ERBB4: variants seen among roughly 807,000 people sequenced by gnomAD.
ERBB4 encodes receptor tyrosine-protein kinase erbB-4.
In ERBB4, 42 loss-of-function variants were observed where a neutral mutation model predicts 158.0. That is an observed-to-expected ratio of 0.27 (90% confidence interval 0.21 to 0.34). ERBB4 has a LOEUF of 0.34. Among genes scored for constraint, ERBB4 ranks in the 10% least tolerant of loss-of-function variants. ERBB4 has a pLI of 1.00. For missense variants in ERBB4, 1,333 were observed against 1,624.1 expected, an observed-to-expected ratio of 0.82 and a Z score of 3.08; for synonymous variants, 583 against 558.7, an observed-to-expected ratio of 1.04 and a Z score of -0.61.
intron 3 of ERBB4, among the ~76,000 whole-genome samples, chr2:211,876,437 T>C (rs1019133288): frequency 6.6e-6 from 1 of 152,190 alleles, no homozygotes; most frequent in African/African-American, 2.4e-5. Flanking sequence ...CCTTGTTTAT[T>C]TCAAAATTTT....
chr2:212,481,927 C>T (rs995770156), intron 1 of ERBB4, among the ~76,000 whole-genome samples: 9 of 152,186 alleles, frequency 5.9e-5, no homozygotes, highest in Admixed American at 4.6e-4. Context: ...AGAGTTATTG[C>T]TTTTAAGTCT....
intron 20 of ERBB4, among the ~76,000 whole-genome samples, chr2:211,518,306 G>A (rs1347775875): frequency 1.3e-5 from 2 of 152,020 alleles, no homozygotes; most frequent in African/African-American, 2.4e-5. Flanking sequence ...TTATTATTCT[G>A]CAAAGGAAGT....
intron 1 of ERBB4, among the ~76,000 whole-genome samples, chr2:212,236,041 T>C (rs1281629908): frequency 1.2e-4 from 19 of 152,220 alleles, no homozygotes; most frequent in Admixed American, 1.2e-3. Flanking sequence ...CCTTGTCTTT[T>C]GCCGGTTTTC....
chr2:211,627,088 T>C (rs748217349), intron 17 of ERBB4, among the ~76,000 whole-genome samples: 22 of 152,286 alleles, frequency 1.4e-4, no homozygotes, highest in Middle Eastern at 3.4e-3. Context: ...GCCTTCCCTG[T>C]GTGTGGTTAA....
chr2:211,667,529 A>G (rs529228321), intron 14 of ERBB4, among the ~76,000 whole-genome samples: 84 of 152,248 alleles, frequency 5.5e-4, no homozygotes, highest in African/African-American at 1.9e-3. Flanking sequence ...TTCCCAAAAA[A>G]GAATACTTCA....
At chr2:212,446,318 A>G (rs140114130) in intron 1 of ERBB4, among the ~76,000 whole-genome samples, 4,396 of 151,268 alleles carry the variant, frequency 0.029, 91 homozygotes, top group Middle Eastern at 0.083. Flanking sequence ...GGGCTGGGGA[A>G]GGCAGATCTA....
chr2:212,524,062 C>T (rs899738593), intron 1 of ERBB4, among the ~76,000 whole-genome samples: 1 of 151,880 alleles, frequency 6.6e-6, no homozygotes, highest in African/African-American at 2.4e-5. Flanking sequence ...TTATCATGTC[C>T]CCTTCCCAAG....
At chr2:211,958,274 T>C (rs943055736) in intron 2 of ERBB4, among the ~76,000 whole-genome samples, 1 of 152,080 alleles carries the variant, frequency 6.6e-6, no homozygotes, top group Non-Finnish European at 1.5e-5. Flanking sequence ...ACATACGCAA[T>C]AGGCATTCTA....
intron 3 of ERBB4, among the ~76,000 whole-genome samples, chr2:211,843,817 T>C (rs531553210): frequency 6.6e-6 from 1 of 152,162 alleles, no homozygotes; most frequent in South Asian, 2.1e-4. Flanking sequence ...TCACTAGTAC[T>C]TGATAAATGT....
intron 20 of ERBB4, among the ~76,000 whole-genome samples, chr2:211,517,233 A>G (rs1256462808): frequency 6.6e-6 from 1 of 152,134 alleles, no homozygotes; most frequent in African/African-American, 2.4e-5. Flanking sequence ...CATAAAAATA[A>G]TATGTTTCTT....
intron 7 of ERBB4, among the ~76,000 whole-genome samples, chr2:211,721,822 G>A (rs905759821): frequency 1.4e-4 from 21 of 152,002 alleles, no homozygotes; most frequent in African/African-American, 4.3e-4. Flanking sequence ...AGTATGATAG[G>A]CAAAAATACT....
intron 2 of ERBB4, among the ~76,000 whole-genome samples, chr2:212,002,435 A>G (rs1220957746): frequency 6.6e-6 from 1 of 152,164 alleles, no homozygotes; most frequent in Non-Finnish European, 1.5e-5. Context: ...TTATAACTCT[A>G]TTCCCAGACC....
intron 1 of ERBB4, among the ~76,000 whole-genome samples, chr2:212,450,929 C>T (rs1441722444): frequency 6.6e-6 from 1 of 151,638 alleles, no homozygotes; most frequent in Admixed American, 6.6e-5. Flanking sequence ...AGTTTGAGAC[C>T]AGCCTGGGCA....
intron 1 of ERBB4, among the ~76,000 whole-genome samples, chr2:212,538,173 G>A (rs1471231268): frequency 6.6e-6 from 1 of 152,224 alleles, no homozygotes; most frequent in Non-Finnish European, 1.5e-5. Context: ...AAGGGATCCC[G>A]CTTAGGCTCC....
At chr2:211,518,515 G>T (rs1437617262) in intron 20 of ERBB4, among the ~76,000 whole-genome samples, 2 of 151,992 alleles carry the variant, frequency 1.3e-5, no homozygotes, top group African/African-American at 4.8e-5. Context: ...TTAGCCAGGG[G>T]TGGTGGTGCA....
At chr2:211,625,404 T>C (rs1025302682) in intron 17 of ERBB4, among the ~76,000 whole-genome samples, 2 of 152,242 alleles carry the variant, frequency 1.3e-5, no homozygotes, top group Non-Finnish European at 1.5e-5. Context: ...ACTTAATTAG[T>C]GGAAGATTCT....
chr2:212,212,187 A>G (rs187940572), intron 1 of ERBB4, among the ~76,000 whole-genome samples: 12 of 152,178 alleles, frequency 7.9e-5, no homozygotes, highest in Admixed American at 2.0e-4. Context: ...CAACAGTGTA[A>G]AAGTATTCCT....
intron 3 of ERBB4, among the ~76,000 whole-genome samples, chr2:211,887,395 C>T (rs2078833233): frequency 1.3e-5 from 2 of 151,208 alleles, no homozygotes; most frequent in South Asian, 4.2e-4. Flanking sequence ...CAAGATTTCA[C>T]ACAGTTAACC....
At chr2:212,232,886 C>A (rs1021731517) in intron 1 of ERBB4, among the ~76,000 whole-genome samples, 5 of 150,362 alleles carry the variant, frequency 3.3e-5, no homozygotes, top group African/African-American at 7.3e-5. Flanking sequence ...TTGTCCCTTG[C>A]GCTACAGAGA....
Sources: allele counts gnomAD v4.1 joint callset (sites outside exome capture counted in the v4.1 genomes callset), GRCh38; gene constraint gnomAD v4.1.1; transcripts MANE v1.5; gene names NCBI Gene and HGNC (gene_info 2026-07-23, HGNC 2026-07-21).